MACROD2: variants seen among roughly 807,000 people sequenced by gnomAD.
The protein encoded by MACROD2 is mono-ADP ribosylhydrolase 2, also known as ADP-ribose glycohydrolase MACROD2.
In MACROD2, 36 loss-of-function variants were observed where a neutral mutation model predicts 70.4. The observed-to-expected ratio is 0.51, with a 90% CI of 0.39 to 0.68. The LOEUF (loss-of-function observed/expected upper bound fraction) is 0.68. Among genes scored for constraint, MACROD2 ranks in the 30% least tolerant of loss-of-function variants. The pLI is 0.00. For synonymous variants in MACROD2, 172 were observed against 178.8 expected (o/e 0.96, Z 0.30); for missense variants, 496 against 538.4 (o/e 0.92, Z 0.78).
chr20:14,327,067 T>C, intron 3 of MACROD2: 1 of 1,613,760 alleles, frequency 6.2e-7, no homozygotes, highest in South Asian at 1.1e-5. Flanking sequence ...GAATGCTCCC[T>C]CTTCTATGCT....
At chr20:15,554,658 C>A (rs1157262) in intron 8 of MACROD2, among the ~76,000 whole-genome samples, 50,762 of 151,726 alleles carry the variant, frequency 0.33, 9,733 homozygotes, top group African/African-American at 0.53. Flanking sequence ...ATTTAATGAA[C>A]TAGATTATGG....
At chr20:15,008,293 C>A (rs1176779023) in intron 5 of MACROD2, among the ~76,000 whole-genome samples, 1 of 152,106 alleles carries the variant, frequency 6.6e-6, no homozygotes, top group Non-Finnish European at 1.5e-5. Flanking sequence ...CCAGCTTAGG[C>A]AACATAGGGA....
At chr20:15,179,611 A>G (rs1208601065) in intron 5 of MACROD2, among the ~76,000 whole-genome samples, 2 of 152,308 alleles carry the variant, frequency 1.3e-5, no homozygotes, top group East Asian at 3.9e-4. Flanking sequence ...GCCCTTCTCC[A>G]AGAACAGCCT....
chr20:15,722,705 C>A (rs1399383148), intron 8 of MACROD2, among the ~76,000 whole-genome samples: 1 of 151,760 alleles, frequency 6.6e-6, no homozygotes, highest in Non-Finnish European at 1.5e-5. Flanking sequence ...TGCATGATAT[C>A]TTTGATAAAG....
At position 16,041,237 on chromosome 20, in the gene MACROD2, G is replaced by A; in HGVS notation, c.1190G>A (p.Ser397Asn). The A allele has an allele frequency of 1.2e-6, 2 of 1,612,220 alleles. No homozygotes were observed. The highest frequency in any genetic ancestry group is 1.7e-6 in the Non-Finnish European group (2 of 1,179,000). Reference protein sequence around the residue: ...GEDTPRMPGKSEGSSDLENTP... With the variant: ...GEDTPRMPGKNEGSSDLENTP... ...GACACACCTAGGATGCCTGGGAAAAGTGAAGGCTCCAGTGACCTAGAAAAT... is the reference window on the plus strand; with the variant it reads ...GACACACCTAGGATGCCTGGGAAAAATGAAGGCTCCAGTGACCTAGAAAAT... The change falls in exon 16 of 18, where the codon AGT becomes AAT. Residue 397 changes from serine to asparagine, a missense_variant. Coordinates refer to ENST00000684519, the MANE Select transcript of MACROD2 (RefSeq NM_001351661.2).
At chr20:15,726,397 T>A (rs1156995566) in intron 8 of MACROD2, among the ~76,000 whole-genome samples, 1 of 152,166 alleles carries the variant, frequency 6.6e-6, no homozygotes, top group Non-Finnish European at 1.5e-5. Flanking sequence ...TGAACACACA[T>A]GTACATGTGT....
intron 5 of MACROD2, chr20:14,935,412 CTT>C (rs1335711169): frequency 6.6e-6 from 1 of 152,102 alleles, no homozygotes; most frequent in Non-Finnish European, 1.5e-5. Context: ...ACCCCAGAGA[CTT>C]AGTGAATCTC....
At chr20:14,946,469 A>G (rs976614899) in intron 5 of MACROD2, among the ~76,000 whole-genome samples, 6 of 152,144 alleles carry the variant, frequency 3.9e-5, no homozygotes, top group African/African-American at 1.4e-4. Flanking sequence ...TATCAGGTTA[A>G]TTAATTGCAG....
intron 7 of MACROD2, among the ~76,000 whole-genome samples, chr20:15,435,535 C>T (rs1463073996): frequency 3.9e-5 from 6 of 152,080 alleles, no homozygotes; most frequent in Non-Finnish European, 5.9e-5. Flanking sequence ...CACCATGTTC[C>T]CTGTCCTCCC....
chr20:14,388,613 C>T (rs1019522939), intron 3 of MACROD2, among the ~76,000 whole-genome samples: 19 of 152,256 alleles, frequency 1.2e-4, no homozygotes, highest in South Asian at 8.3e-4. Flanking sequence ...TTTATTTGTC[C>T]GTACCATAAG....
At chr20:15,349,965 G>A (rs1318684780) in intron 6 of MACROD2, among the ~76,000 whole-genome samples, 2 of 152,102 alleles carry the variant, frequency 1.3e-5, no homozygotes, top group Non-Finnish European at 2.9e-5. Flanking sequence ...CCATCCTGAA[G>A]CAGTGTTCTC....
intron 8 of MACROD2, among the ~76,000 whole-genome samples, chr20:15,757,702 C>CCCT (rs2051368371): frequency 6.6e-6 from 1 of 152,084 alleles, no homozygotes; most frequent in Non-Finnish European, 1.5e-5. Flanking sequence ...CTGGTGAGGA[C>CCCT]CCTCTTTCTC....
intron 5 of MACROD2, among the ~76,000 whole-genome samples, chr20:14,969,197 A>G (rs1185912291): frequency 1.3e-5 from 2 of 151,714 alleles, no homozygotes; most frequent in Non-Finnish European, 2.9e-5. Flanking sequence ...ACAGGAATAG[A>G]AAAAAACCTG....
At chr20:14,709,382 C>G (rs1600570725) in intron 5 of MACROD2, among the ~76,000 whole-genome samples, 1 of 152,074 alleles carries the variant, frequency 6.6e-6, no homozygotes, top group East Asian at 1.9e-4. Context: ...CAAGGATGCA[C>G]ACACATATAC....
At chr20:14,657,128 T>C (rs1986016176) in intron 4 of MACROD2, among the ~76,000 whole-genome samples, 1 of 152,214 alleles carries the variant, frequency 6.6e-6, no homozygotes, top group South Asian at 2.1e-4. Context: ...GCATTAGTAT[T>C]ATGAACTCTT....
intron 5 of MACROD2, among the ~76,000 whole-genome samples, chr20:14,944,073 A>G (rs2074411097): frequency 6.6e-6 from 1 of 152,196 alleles, no homozygotes; most frequent in Non-Finnish European, 1.5e-5. Context: ...AATATAGAAC[A>G]GTTTTATCAT....
At chr20:15,044,050 T>G (rs548585606) in intron 5 of MACROD2, among the ~76,000 whole-genome samples, 99 of 152,246 alleles carry the variant, frequency 6.5e-4, no homozygotes, top group African/African-American at 2.2e-3. Context: ...ATAGGCATGA[T>G]TGATTAAGTC....
chr20:15,963,326 G>A (rs1261218237), intron 12 of MACROD2, among the ~76,000 whole-genome samples: 1 of 152,162 alleles, frequency 6.6e-6, no homozygotes, highest in Non-Finnish European at 1.5e-5. Flanking sequence ...ATGACCTGCT[G>A]TCATCACTCT....
chr20:15,947,165 G>A (rs768755225), intron 12 of MACROD2, among the ~76,000 whole-genome samples: 39 of 152,072 alleles, frequency 2.6e-4, no homozygotes, highest in Admixed American at 7.2e-4. Context: ...CCAGGGGCAG[G>A]CAGGAGATAG....
Sources: gnomAD v4.1 joint callset for allele counts (sites outside exome capture counted in the v4.1 genomes callset) on GRCh38, gnomAD v4.1.1 for gene constraint, MANE v1.5 for transcripts, NCBI Gene and HGNC (gene_info 2026-07-23, HGNC 2026-07-21) for gene names.